The following TMEM132A variants were observed in gnomAD, a reference collection of about 807,000 sequenced individuals.
The protein encoded by TMEM132A is transmembrane protein 132A, also known as GRP78-binding protein.
In TMEM132A, 48 loss-of-function variants were observed where a neutral mutation model predicts 69.9. The ratio of observed to expected loss-of-function variants is 0.69; its 90% confidence interval spans 0.55 to 0.87. The LOEUF (loss-of-function observed/expected upper bound fraction) is 0.87. TMEM132A is among the 40% of genes least tolerant of loss of function. The pLI is 0.00. For synonymous variants in TMEM132A, 577 were observed against 613.7 expected, an observed-to-expected ratio of 0.94 and a Z score of 0.88; for missense variants, 1,287 against 1,407.2, an observed-to-expected ratio of 0.91 and a Z score of 1.37.
At chr11:60,924,792 G>C in intron 1 of TMEM132A, 59 bp downstream of exon 1, 3 of 1,260,500 alleles carry the variant, frequency 2.4e-6, no homozygotes, top group Non-Finnish European at 2.1e-6. Flanking sequence ...GTGGGAGCGA[G>C]TGATGCCCGG....
chr11:60,936,269 G>A lies in TMEM132A; in HGVS notation c.2434G>A (p.Glu812Lys), dbSNP rs1318083452. The change falls in exon 11 of 11, where the codon GAG becomes AAG. Residue 812 changes from glutamate (E) to lysine (K), a missense_variant. Physicochemically the swap from Glu to Lys is moderately conservative, Grantham distance 56. Transcript: ENST00000453848. ...CAACACAGGTGTGAGGGGCAAGTTT[G>A]AGCGGGCAGAGGAGGAGGCCAGGAA... ...GGNTGVRGKF[E>K]RAEEEARKEE... 1.9e-6 allele frequency: 3 copies of A among 1,614,132 alleles called. No individual in the cohort carries two copies. Among genetic ancestry groups the A allele is most frequent in the South Asian group, 2.2e-5 (2 of 91,078 alleles).
At chr11:60,932,209 G>A in intron 7 of TMEM132A, 82 bp downstream of exon 7, 4 of 1,448,410 alleles carry the variant, frequency 2.8e-6, no homozygotes, top group Non-Finnish European at 3.6e-6. Flanking sequence ...CCTTCCTCAT[G>A]TGGGTCCCCA....
chr11:60,927,482 C>A, intron 2 of TMEM132A, 64 bp downstream of exon 2: 1 of 1,506,002 alleles, frequency 6.6e-7, no homozygotes, highest in Non-Finnish European at 9.0e-7. Flanking sequence ...CTGCTGGGTA[C>A]AAATTGGGAG....
Position 60,935,712 on chromosome 11 carries a change from G to T in TMEM132A, c.2029-152G>T. ...TGAGTGGCAGACAGGTGATTGACAC[G>T]CGTCCCCTCTCTCCCTGTGTTTTGT... On this transcript the variant is annotated intron_variant, in intron 10 of 10. Coordinates refer to ENST00000453848, the MANE Select transcript of TMEM132A (RefSeq NM_178031.3). The surrounding 1 kb of genome is among the most constrained non-coding windows in gnomAD (Gnocchi z 5.0). 2.1e-6 allele frequency: 2 copies of T among 956,132 alleles called. No individual in the cohort carries two copies. The highest frequency in any genetic ancestry group is 3.1e-6 in the Non-Finnish European group (2 of 639,306). 59.2% of individuals were successfully genotyped at this position (956,132 alleles called of 1,614,324 possible). A position where few individuals can be genotyped will look rare whatever the true frequency, so the allele number is the denominator to read the frequency against.
At position 60,933,526 on chromosome 11, in the gene TMEM132A, C is replaced by T. The variant is rs1856522230; in HGVS notation, c.1357-16C>T. ...TAGTGGCTTAGCCCGCCCACCTGCC[C>T]TCTGCCCTTCCATAGGTGTCTGAGG... On this transcript the variant is annotated splice_polypyrimidine_tract_variant and intron_variant, in intron 7 of 10. Transcript: ENST00000453848. 2 of 1,601,022 alleles carry T rather than the reference C, an allele frequency of 1.2e-6. No individual in the cohort carries two copies. The highest frequency in any genetic ancestry group is 8.5e-7 in the Non-Finnish European group (1 of 1,175,908).
chr11:60,931,974 C>T lies in TMEM132A; in HGVS notation c.1213-10C>T, dbSNP rs1170137658. On this transcript the variant is annotated splice_polypyrimidine_tract_variant and intron_variant, in intron 6 of 10. Coordinates refer to ENST00000453848, the MANE Select transcript of TMEM132A (RefSeq NM_178031.3). ...AGGGGCCTGGGGCTGAGCCCCTCCT[C>T]CACCCCCAGGCTGAGGAGCTGGTGA... is the stretch of plus-strand genomic sequence containing the variant. 4 of 1,610,770 alleles carry T rather than the reference C, an allele frequency of 2.5e-6. No homozygotes were observed. In the South Asian group the frequency reaches 3.3e-5, roughly 13 times the overall value.
intron 5 of TMEM132A, 112 bp downstream of exon 5, chr11:60,930,771 C>A (rs1590626037): frequency 9.3e-7 from 1 of 1,079,964 alleles, no homozygotes; most frequent in Non-Finnish European, 1.3e-6. Context: ...GTGAGCAGAC[C>A]CAAGGACAGA....
Position 60,934,669 on chromosome 11 carries a change from G to A in TMEM132A, c.1741G>A (p.Val581Met), listed in dbSNP as rs547912250. The change falls in exon 9 of 11, where the codon GTG becomes ATG. Residue 581 changes from valine (V) to methionine (M), a missense_variant. By Grantham distance (21) the Val-to-Met change is conservative. Coordinates refer to ENST00000453848, the MANE Select transcript of TMEM132A (RefSeq NM_178031.3). ...CTGGCTGCTAGACGTGTCCCACCTC[G>A]TGGCGCCACACGCCCGCGTGCTGGA... ...PDWLLDVSHL[V>M]APHARVLDSR... is the part of the protein sequence containing the mutation. The A allele has an allele frequency of 1.9e-6, 3 of 1,599,976 alleles. No homozygotes were observed. The highest frequency in any genetic ancestry group is 1.7e-5 in the Admixed American group (1 of 59,754).
chr11:60,933,141 C>T (rs1856515999), intron 7 of TMEM132A: 1 of 168,998 alleles, frequency 5.9e-6, no homozygotes, highest in Non-Finnish European at 1.3e-5. Context: ...GTCCTACGGC[C>T]TGAGGTCAGG....
chr11:60,936,857 G>T lies in TMEM132A; in HGVS notation c.3022G>T (p.Asp1008Tyr). Reference protein sequence around the residue: ...RWVCEDMGLKDPEELRNYMER... With the variant: ...RWVCEDMGLKYPEELRNYMER... ...GGTGTGTGAGGACATGGGGCTGAAG[G>T]ACCCTGAGGAGCTTCGCAACTACAT... is the stretch of plus-strand genomic sequence containing the variant. Residue 1008 changes from aspartate (D) to tyrosine (Y), a missense_variant, in exon 11 of 11, where the codon GAC becomes TAC. Transcript: ENST00000453848. 1 of 1,594,768 alleles carries T rather than the reference G, an allele frequency of 6.3e-7. No homozygotes were observed.
Position 60,927,796 on chromosome 11 carries a change from G to T in TMEM132A, c.471G>T (p.Leu157=). Residue 157 remains leucine, a synonymous_variant, in exon 3 of 11, where the codon CTG becomes CTT. Transcript: ENST00000453848. Reference sequence around the variant, plus strand: ...ATTGGCCACCAGGGTCTGGCAGCCTGCCCTGTGCCCGGCTCCATGCCACAC... The same window carrying T: ...ATTGGCCACCAGGGTCTGGCAGCCTTCCCTGTGCCCGGCTCCATGCCACAC... ...GQDWPPGSGS[L]PCARLHATHP... is the part of the protein sequence containing the mutation. 1 of 1,612,540 alleles carries T rather than the reference G, an allele frequency of 6.2e-7. No homozygotes were observed. Among genetic ancestry groups the T allele is most frequent in the South Asian group, 1.1e-5 (1 of 91,086 alleles).
Position 60,930,621 on chromosome 11 carries a change from C to T in TMEM132A, c.978C>T (p.Ile326=). The T allele has an allele frequency of 6.2e-7, 1 of 1,612,960 alleles. No individual in the cohort carries two copies. The highest frequency in any genetic ancestry group is 8.5e-7 in the Non-Finnish European group (1 of 1,179,486). ...FKGSRHHTTL[I]TCHRAGLTEP... Reference sequence around the variant, plus strand: ...GCTCCAGGCACCACACCACCCTCATCACCTGCCACCGTGCTGGGCTCACAG... The same window carrying T: ...GCTCCAGGCACCACACCACCCTCATTACCTGCCACCGTGCTGGGCTCACAG... The change falls in exon 5 of 11, where the codon ATC becomes ATT. Residue 326 remains isoleucine, a synonymous_variant. Coordinates refer to ENST00000453848, the MANE Select transcript of TMEM132A (RefSeq NM_178031.3).
In TMEM132A at chr11:60,936,764, C is replaced by A. The variant is rs149340923; in HGVS notation, c.2929C>A (p.Pro977Thr). The change falls in exon 11 of 11, where the codon CCT becomes ACT. Residue 977 changes from proline to threonine, a missense_variant. Coordinates refer to ENST00000453848, the MANE Select transcript of TMEM132A (RefSeq NM_178031.3). ...TGCGCCAGCCCCTCCAGCCCAGTCA[C>A]CTGAGGAGCCTGTAGGGGCCCCTGC... Reference protein sequence around the residue: ...TFAPAPPAQSPEEPVGAPAVQ... With the variant: ...TFAPAPPAQSTEEPVGAPAVQ... 1 of 1,612,104 alleles carries A rather than the reference C, an allele frequency of 6.2e-7. No homozygotes were observed. The highest frequency in any genetic ancestry group is 8.5e-7 in the Non-Finnish European group (1 of 1,179,308).
rs1288890793 is a variant in TMEM132A, at chr11:60,933,535, T to A, written c.1357-7T>A. The A allele has an allele frequency of 1.2e-6, 2 of 1,604,774 alleles. No individual in the cohort carries two copies. Among genetic ancestry groups the A allele is most frequent in the Admixed American group, 3.3e-5 (2 of 59,802 alleles). On this transcript the variant is annotated splice_polypyrimidine_tract_variant and splice_region_variant and intron_variant, in intron 7 of 10. Coordinates refer to ENST00000453848, the MANE Select transcript of TMEM132A (RefSeq NM_178031.3). ...AGCCCGCCCACCTGCCCTCTGCCCT[T>A]CCATAGGTGTCTGAGGCCTGTGATG...
Position 60,935,360 on chromosome 11 carries a change from C to CT in TMEM132A, c.1946dup (p.Thr650AspfsTer39). 6.2e-7 allele frequency: 1 copy of CT among 1,612,970 alleles called. No homozygotes were observed. The highest frequency in any genetic ancestry group is 8.5e-7 in the Non-Finnish European group (1 of 1,179,704). On this transcript the variant is annotated frameshift_variant, in exon 10 of 11. Coordinates refer to ENST00000453848, the MANE Select transcript of TMEM132A (RefSeq NM_178031.3). LOFTEE classifies it high-confidence loss of function. The surrounding 1 kb of genome is among the most constrained non-coding windows in gnomAD (Gnocchi z 5.0). ...GGTGCAGCCAGTGATGGGCATCTCG[C>CT]TGACCTTGAGCCGGGGCACTGCCCA...
Position 60,927,656 on chromosome 11 carries a change from G to A in TMEM132A, c.331G>A (p.Val111Ile). 2 of 1,611,620 alleles carry A rather than the reference G, an allele frequency of 1.2e-6. No individual in the cohort carries two copies. The highest frequency in any genetic ancestry group is 1.7e-6 in the Non-Finnish European group (2 of 1,179,424). ...FATQQVVPPR[V>I]TEPHQRPVPW... The stretch of plus-strand genomic sequence containing the variant: ...CTCCCTCCAGGTGGTCCCCCCTCGA[G>A]TCACTGAGCCCCACCAACGGCCAGT... The change falls in exon 3 of 11, where the codon GTC (valine) becomes ATC (isoleucine). Residue 111 changes from valine to isoleucine, a missense_variant. Transcript: ENST00000453848.
chr11:60,935,557 G>C lies in TMEM132A; in HGVS notation c.2028+114G>C. 8.9e-7 allele frequency: 1 copy of C among 1,121,118 alleles called. No homozygotes were observed. The highest frequency in any genetic ancestry group is 1.3e-6 in the Non-Finnish European group (1 of 789,108). The allele number at this position is 1,121,118 out of a possible 1,614,324, so 69.4% of individuals were successfully genotyped here. On this transcript the variant is annotated intron_variant, in intron 10 of 10. Coordinates refer to ENST00000453848, the MANE Select transcript of TMEM132A (RefSeq NM_178031.3). This position sits in a 1 kb window ranked among gnomAD's most constrained non-coding sequence, Gnocchi z 5.0. ...CTCGACCCCTTAGGGTTTTCAGAGT[G>C]AGGACTGACTCTGTGAGGTAGTGAG...
chr11:60,937,079 C>A lies in TMEM132A; in HGVS notation c.*172C>A. On this transcript the variant is annotated 3_prime_UTR_variant, in exon 11 of 11. Coordinates refer to ENST00000453848, the MANE Select transcript of TMEM132A (RefSeq NM_178031.3). ...CTCTGCCCTGCCCCTTGTCATGGAC[C>A]ATGGTCGTGAGGAAGGGCTCATGCC... 7.3e-7 allele frequency: 1 copy of A among 1,371,186 alleles called. No homozygotes were observed. The highest frequency in any genetic ancestry group is 2.4e-5 in the East Asian group (1 of 41,024). The allele number at this position is 1,371,186 out of a possible 1,614,324, so 84.9% of individuals were successfully genotyped here. A position where few individuals can be genotyped will look rare whatever the true frequency, so the allele number is the denominator to read the frequency against.
At position 60,924,496 on chromosome 11, in the gene TMEM132A, G is replaced by C. The variant is rs545575223; in HGVS notation, c.-138G>C. The C allele has an allele frequency of 5.5e-5, 26 of 473,478 alleles. No individual in the cohort carries two copies. Among genetic ancestry groups the C allele is most frequent in the Non-Finnish European group, 6.7e-5 (20 of 297,252 alleles). 29.3% of individuals were successfully genotyped at this position (473,478 alleles called of 1,614,324 possible). A position where few individuals can be genotyped will look rare whatever the true frequency, so the allele number is the denominator to read the frequency against. On this transcript the variant is annotated 5_prime_UTR_variant, in exon 1 of 11. Coordinates refer to ENST00000453848, the MANE Select transcript of TMEM132A (RefSeq NM_178031.3). ...TCCATTGTCTGGGAATTGCAGCCGCGGGGCGGGCGGCGGCGGCGGCGGCGG... is the reference window on the plus strand; with the variant it reads ...TCCATTGTCTGGGAATTGCAGCCGCCGGGCGGGCGGCGGCGGCGGCGGCGG...
Sources: gnomAD v4.1 joint callset for allele counts on GRCh38, gnomAD v4.1.1 for gene constraint, Gnocchi (gnomAD v3.1) non-coding constraint, MANE v1.5 for transcripts, NCBI Gene and HGNC (gene_info 2026-07-23, HGNC 2026-07-21) for gene names.